Variants in LCOR observed in about 807,000 individuals in gnomAD.
LCOR encodes ligand-dependent corepressor.
In LCOR, 14 loss-of-function variants were observed where a neutral mutation model predicts 64.4. That is an observed-to-expected ratio of 0.22 (90% CI 0.14 to 0.34). The LOEUF is 0.34. Among genes scored for constraint, LCOR ranks in the 10% least tolerant of loss-of-function variants. The probability of loss-of-function intolerance (pLI) is 1.00; values close to 1 mark genes in which losing one functional copy is unlikely to be tolerated. For missense variants in LCOR, 1,686 were observed against 1,765.3 expected, an observed-to-expected ratio of 0.96 and a Z score of 0.80; for synonymous variants, 643 against 642.5, an observed-to-expected ratio of 1.00 and a Z score of -0.01.
intron 4 of LCOR, among the ~76,000 whole-genome samples, chr10:96,937,539 A>T (rs1393295265): frequency 6.6e-6 from 1 of 152,166 alleles, no homozygotes; most frequent in East Asian, 1.9e-4. Flanking sequence ...TTAAATAGAG[A>T]TGGGGTCTCA....
At chr10:96,893,650 C>A (rs1846484908) in intron 2 of LCOR, among the ~76,000 whole-genome samples, 1 of 151,920 alleles carries the variant, frequency 6.6e-6, no homozygotes, top group African/African-American at 2.4e-5. Context: ...GTAGTCCCAG[C>A]TACTCGGGAG....
rs889756460 is a variant in LCOR, at chr10:96,989,138, A to C, written c.*4004A>C. The C allele has an allele frequency of 6.6e-6, 1 of 152,022 alleles. No homozygotes were observed. Among genetic ancestry groups the C allele is most frequent in the Non-Finnish European group, 1.5e-5 (1 of 68,004 alleles). The allele number at this position is 152,022 out of a possible 1,614,324, so 9.4% of individuals were successfully genotyped here. ...ACATGTTATATCGATATGCACTACT[A>C]TCCCCTTAAACTTGAGCAACCTTAG... is the stretch of plus-strand genomic sequence containing the variant. On this transcript the variant is annotated 3_prime_UTR_variant, in exon 8 of 8. Coordinates refer to ENST00000421806, the MANE Select transcript of LCOR (RefSeq NM_001346516.2).
At chr10:96,843,706 T>C (rs1845580033) in intron 2 of LCOR, among the ~76,000 whole-genome samples, 1 of 152,228 alleles carries the variant, frequency 6.6e-6, no homozygotes, top group African/African-American at 2.4e-5. Context: ...GTTTCATCCC[T>C]AACTGAATTA....
At chr10:96,832,688 C>T (rs1425480312) in intron 1 of LCOR, among the ~76,000 whole-genome samples, 1 of 150,860 alleles carries the variant, frequency 6.6e-6, no homozygotes, top group Admixed American at 6.6e-5. Context: ...TCCCCGCCTG[C>T]TCGCTCCCCT....
chr10:96,959,621 C>T (rs1847848934), intron 7 of LCOR: 1 of 152,094 alleles, frequency 6.6e-6, no homozygotes, highest in African/African-American at 2.4e-5. Flanking sequence ...TTATAAGTGA[C>T]TCTGAATTAT....
chr10:96,873,201 TG>T (rs1230577377), intron 2 of LCOR, among the ~76,000 whole-genome samples: 3 of 152,194 alleles, frequency 2.0e-5, no homozygotes, highest in African/African-American at 4.8e-5. Flanking sequence ...TTGAAGCCAT[TG>T]GTACCATGAA....
Position 96,986,518 on chromosome 10 carries a change from A to G in LCOR, c.*1384A>G, listed in dbSNP as rs1431998164. The G allele has an allele frequency of 6.6e-6, 1 of 152,192 alleles. No individual in the cohort carries two copies. Among genetic ancestry groups the G allele is most frequent in the Non-Finnish European group, 1.5e-5 (1 of 68,038 alleles). 9.4% of individuals were successfully genotyped at this position (152,192 alleles called of 1,614,324 possible). ...ATCCTAGTAGTTAAATGCTTGTAGT[A>G]TCACTCCTGCCATGTCATGTCAGGC... On this transcript the variant is annotated 3_prime_UTR_variant, in exon 8 of 8. Transcript: ENST00000421806.
In LCOR at chr10:96,944,244, AG is replaced by A; in HGVS notation, c.-51+1del. ...TCCTCAATGCAGTCTTTTATAGAAAAGGTTGGTTTCAGTGAAGATGATATTT... is the reference window on the plus strand; with the variant it reads ...TCCTCAATGCAGTCTTTTATAGAAAAGTTGGTTTCAGTGAAGATGATATTT... On this transcript the variant is annotated splice_region_variant and 5_prime_UTR_variant, in exon 5 of 8. It removes the in-frame stop codon of an upstream open reading frame in the 5' UTR. Coordinates refer to ENST00000421806, the MANE Select transcript of LCOR (RefSeq NM_001346516.2). 1 of 985,638 alleles carries A rather than the reference AG, an allele frequency of 1.0e-6. No homozygotes were observed. Among genetic ancestry groups the A allele is most frequent in the Non-Finnish European group, 1.2e-6 (1 of 829,816 alleles). The allele number at this position is 985,638 out of a possible 1,614,324, so 61.1% of individuals were successfully genotyped here. A position where few individuals can be genotyped will look rare whatever the true frequency, so the allele number is the denominator to read the frequency against.
intron 2 of LCOR, among the ~76,000 whole-genome samples, chr10:96,901,534 C>A (rs1846637645): frequency 6.6e-6 from 1 of 152,102 alleles, no homozygotes; most frequent in Non-Finnish European, 1.5e-5. Flanking sequence ...TTTCATGGAG[C>A]CCATTAGATA....
chr10:96,836,525 G>C (rs7899594), intron 2 of LCOR, among the ~76,000 whole-genome samples: 10,934 of 152,248 alleles, frequency 0.072, 425 homozygotes, highest in East Asian at 0.18. Flanking sequence ...CAAAGTCTGG[G>C]AAAGTTGCCT....
At chr10:96,861,444 A>G (rs1845885911) in intron 2 of LCOR, among the ~76,000 whole-genome samples, 3 of 152,150 alleles carry the variant, frequency 2.0e-5, no homozygotes, top group Admixed American at 1.3e-4. Flanking sequence ...ACAATCTTCA[A>G]CACAGAACAG....
intron 2 of LCOR, among the ~76,000 whole-genome samples, chr10:96,839,132 T>C (rs1230255735): frequency 1.3e-5 from 2 of 152,260 alleles, no homozygotes; most frequent in African/African-American, 4.8e-5. Context: ...GTTAAGCATC[T>C]TTTCATGTGC....
At chr10:96,875,221 A>T (rs1175129059) in intron 2 of LCOR, among the ~76,000 whole-genome samples, 2 of 151,850 alleles carry the variant, frequency 1.3e-5, no homozygotes, top group Non-Finnish European at 2.9e-5. Flanking sequence ...CGTCTCTACT[A>T]AAAATACAAA....
intron 4 of LCOR, among the ~76,000 whole-genome samples, chr10:96,914,773 C>T (rs556203254): frequency 1.3e-5 from 2 of 152,154 alleles, no homozygotes; most frequent in Non-Finnish European, 2.9e-5. Context: ...CTGACCCTGA[C>T]TTTAAGGAAG....
intron 2 of LCOR, among the ~76,000 whole-genome samples, chr10:96,887,856 T>C (rs1228882890): frequency 1.3e-5 from 2 of 151,434 alleles, no homozygotes; most frequent in Non-Finnish European, 2.9e-5. Flanking sequence ...AATTTTTGTA[T>C]TTTTAGTACA....
At position 96,888,085 on chromosome 10, in the gene LCOR, G is replaced by A. The variant is rs369391238; in HGVS notation, c.-329-19180G>A. Among the ~76,000 whole-genome samples, 4 of 151,760 alleles carry A rather than the reference G, an allele frequency of 2.6e-5. No individual in the cohort carries two copies. In the East Asian group the frequency reaches 7.8e-4, roughly 30 times the overall value. ...CATTGTCTTAAAAATGAATGAAGTG[G>A]GCTAGGTGTGGTGGCTCACGCCTGT... On this transcript the variant is annotated intron_variant, in intron 2 of 7. Transcript: ENST00000421806.
intron 4 of LCOR, among the ~76,000 whole-genome samples, chr10:96,935,350 T>A (rs1448829759): frequency 6.6e-6 from 1 of 152,018 alleles, no homozygotes; most frequent in Non-Finnish European, 1.5e-5. Flanking sequence ...GGTTTCACCA[T>A]GTTAGCCAGG....
intron 2 of LCOR, among the ~76,000 whole-genome samples, chr10:96,888,132 C>G (rs1297958259): frequency 6.6e-6 from 1 of 150,708 alleles, no homozygotes; most frequent in East Asian, 2.0e-4. Context: ...TTTGGGAGGC[C>G]GAGGTTGGCG....
intron 2 of LCOR, among the ~76,000 whole-genome samples, chr10:96,843,299 TTTG>T (rs1377091669): frequency 6.6e-6 from 1 of 152,030 alleles, no homozygotes; most frequent in Non-Finnish European, 1.5e-5. Context: ...TAGTTTTTGT[TTTG>T]TTTTGTTTTT....
Sources: gnomAD v4.1 joint callset for allele counts (sites outside exome capture counted in the v4.1 genomes callset) on GRCh38, gnomAD v4.1.1 for gene constraint, MANE v1.5 for transcripts, NCBI Gene and HGNC (gene_info 2026-07-23, HGNC 2026-07-21) for gene names.